Variants in LGSN observed in about 807,000 individuals in gnomAD.
LGSN encodes lengsin, lens protein with glutamine synthetase domain, also known as lengsin.
In LGSN, 21 loss-of-function variants were observed where a neutral mutation model predicts 19.5. The observed-to-expected ratio is 1.07, with a 90% CI of 0.76 to 1.55. LGSN has a LOEUF of 1.55. Ranked by LOEUF, LGSN falls within the 40% of genes most tolerant of loss-of-function variation. LGSN has a pLI of 0.00. For missense variants in LGSN, 673 were observed against 608.5 expected, an observed-to-expected ratio of 1.11 and a Z score of -1.12; for synonymous variants, 257 against 215.6, an observed-to-expected ratio of 1.19 and a Z score of -1.68.
chr6:63,412,749 AAG>A, the LGSN span, among the ~76,000 whole-genome samples: 1 of 84,390 alleles, frequency 1.2e-5, no homozygotes, highest in South Asian at 3.8e-4. Context: ...GAAAGAAAGA[AAG>A]AAAGAAAGAA....
At chr6:63,284,438 T>C (rs192758764) in intron 3 of LGSN, among the ~76,000 whole-genome samples, 49 of 152,320 alleles carry the variant, frequency 3.2e-4, no homozygotes, top group African/African-American at 1.2e-3. Context: ...TATCAATCCT[T>C]AGCAAGTATA....
chr6:63,385,892 A>C, the LGSN span, among the ~76,000 whole-genome samples: 3 of 152,334 alleles, frequency 2.0e-5, no homozygotes, highest in East Asian at 5.8e-4. Context: ...AAATTCCTGA[A>C]GGACCGATAC....
the LGSN span, among the ~76,000 whole-genome samples, chr6:63,502,216 T>A: frequency 6.6e-6 from 1 of 152,208 alleles, no homozygotes; most frequent in Non-Finnish European, 1.5e-5. Context: ...TTGGAAATAC[T>A]TCAGAACCTT....
the LGSN span, among the ~76,000 whole-genome samples, chr6:63,535,857 C>T: frequency 6.6e-6 from 1 of 152,196 alleles, no homozygotes; most frequent in African/African-American, 2.4e-5. Context: ...CAGAGTCTCG[C>T]TCTTGTCAAC....
the LGSN span, among the ~76,000 whole-genome samples, chr6:63,512,252 T>A: frequency 6.6e-6 from 1 of 151,970 alleles, no homozygotes; most frequent in Non-Finnish European, 1.5e-5. Flanking sequence ...CCAGCTAGTT[T>A]TTGTATTTTT....
the LGSN span, among the ~76,000 whole-genome samples, chr6:63,486,933 T>C: frequency 4.6e-5 from 7 of 152,004 alleles, no homozygotes; most frequent in African/African-American, 1.7e-4. Context: ...CCTCCCGGGT[T>C]CCAGTGATTC....
the LGSN span, among the ~76,000 whole-genome samples, chr6:63,409,218 A>T: frequency 6.6e-6 from 1 of 152,200 alleles, no homozygotes. Flanking sequence ...AGCCAAAAAT[A>T]TTTTTTGTAA....
the LGSN span, among the ~76,000 whole-genome samples, chr6:63,331,246 G>A: frequency 6.6e-6 from 1 of 152,156 alleles, no homozygotes; most frequent in Non-Finnish European, 1.5e-5. Context: ...GCATAGTTGT[G>A]TATTCTCCCT....
intron 3 of LGSN, 93 bp from the exon 4 acceptor site, chr6:63,281,313 A>ATATATATT (rs1554170046): frequency 6.0e-6 from 1 of 167,804 alleles, no homozygotes; most frequent in Admixed American, 6.7e-5. Context: ...AAATATATAT[A>ATATATATT]TATATATATA....
chr6:63,568,893 C>G, the LGSN span, among the ~76,000 whole-genome samples: 93 of 152,144 alleles, frequency 6.1e-4, no homozygotes, highest in Non-Finnish European at 9.0e-4. Context: ...TATCCAGACA[C>G]TTACTAGATT....
the LGSN span, among the ~76,000 whole-genome samples, chr6:63,330,849 T>C: frequency 1.3e-5 from 2 of 152,212 alleles, no homozygotes; most frequent in African/African-American, 4.8e-5. Context: ...TGCATTCTTT[T>C]CATTAAAGGC....
the LGSN span, among the ~76,000 whole-genome samples, chr6:63,410,850 T>C: frequency 6.6e-6 from 1 of 152,182 alleles, no homozygotes; most frequent in African/African-American, 2.4e-5. Flanking sequence ...TGACCCCACA[T>C]GCTGGTAAAT....
the LGSN span, among the ~76,000 whole-genome samples, chr6:63,431,608 T>C: frequency 2.0e-5 from 3 of 152,222 alleles, no homozygotes; most frequent in Admixed American, 1.3e-4. Flanking sequence ...CTGTAAAATA[T>C]AGATATTAAG....
chr6:63,501,390 G>A, the LGSN span, among the ~76,000 whole-genome samples: 1 of 150,638 alleles, frequency 6.6e-6, no homozygotes, highest in Admixed American at 6.6e-5. Flanking sequence ...TAGAGGAGAA[G>A]CCATTGTCAC....
intron 3 of LGSN, 110 bp from the exon 4 acceptor site, chr6:63,281,330 T>TATATATAA (rs1360072081): frequency 5.4e-4 from 80 of 149,510 alleles, no homozygotes; most frequent in Middle Eastern, 5.7e-3. Flanking sequence ...TATATATATA[T>TATATATAA]AATAAATATA....
the LGSN span, among the ~76,000 whole-genome samples, chr6:63,513,931 A>AC: frequency 6.7e-6 from 1 of 149,724 alleles, no homozygotes; most frequent in Non-Finnish European, 1.5e-5. Context: ...AAAAAAAAAA[A>AC]AAAAACACTG....
At chr6:63,342,212 C>G in the LGSN span, among the ~76,000 whole-genome samples, 3 of 152,184 alleles carry the variant, frequency 2.0e-5, no homozygotes, top group Non-Finnish European at 4.4e-5. Flanking sequence ...TCCCTGATGA[C>G]TCTGCAAGCT....
chr6:63,365,029 G>C, the LGSN span, among the ~76,000 whole-genome samples: 1 of 152,024 alleles, frequency 6.6e-6, no homozygotes, highest in Non-Finnish European at 1.5e-5. Flanking sequence ...AAAAGAACTA[G>C]AGAAGCAAGA....
At chr6:63,377,290 G>GT in the LGSN span, among the ~76,000 whole-genome samples, 1 of 152,180 alleles carries the variant, frequency 6.6e-6, no homozygotes, top group Non-Finnish European at 1.5e-5. Flanking sequence ...CCCAGAAGGT[G>GT]TAAGAGGTCT....
Sources: gnomAD v4.1 joint callset for allele counts (sites outside exome capture counted in the v4.1 genomes callset) on GRCh38, gnomAD v4.1.1 for gene constraint, MANE v1.5 for transcripts, NCBI Gene and HGNC (gene_info 2026-07-23, HGNC 2026-07-21) for gene names.